TXK: variants seen among roughly 807,000 people sequenced by gnomAD.
The protein encoded by TXK is TXK tyrosine kinase, also known as tyrosine-protein kinase TXK.
A neutral mutation model predicts 81.0 loss-of-function variants in TXK; 60 were observed. The observed-to-expected ratio is 0.74, with a 90% confidence interval of 0.60 to 0.92. TXK has a LOEUF of 0.92. Ranked by LOEUF, TXK falls within the 40% of genes least tolerant of loss-of-function variation. The pLI is 0.00. For missense variants in TXK, 581 were observed against 638.3 expected, an observed-to-expected ratio of 0.91 and a Z score of 0.97; for synonymous variants, 203 against 210.7, an observed-to-expected ratio of 0.96 and a Z score of 0.32.
chr4:48,086,042 T>C (rs1394201724), intron 10 of TXK, among the ~76,000 whole-genome samples: 1 of 152,214 alleles, frequency 6.6e-6, no homozygotes, highest in Admixed American at 6.5e-5. Flanking sequence ...GTAACACCTC[T>C]AGACACTGTC....
intron 5 of TXK, among the ~76,000 whole-genome samples, chr4:48,107,911 A>C (rs1303481143): frequency 4.7e-5 from 1 of 21,416 alleles, no homozygotes; most frequent in Non-Finnish European, 1.8e-4. Flanking sequence ...AAAAAAAAAA[A>C]AAAAAAAAAA....
intron 1 of TXK, among the ~76,000 whole-genome samples, chr4:48,128,285 C>G (rs1719147203): frequency 6.6e-6 from 1 of 152,124 alleles, no homozygotes; most frequent in African/African-American, 2.4e-5. Flanking sequence ...GTTTTGAGAG[C>G]TGCCTTAACC....
chr4:48,089,805 T>C lies in TXK; in HGVS notation c.729A>G (p.Arg243=). The C allele has an allele frequency of 1.9e-6, 3 of 1,613,508 alleles. No homozygotes were observed. Among genetic ancestry groups the C allele is most frequent in the Non-Finnish European group, 2.5e-6 (3 of 1,179,568 alleles). The stretch of plus-strand genomic sequence containing the variant: ...AACTGCCCATCAGCCCAACTGGATA[T>C]CGGAGACGAGTCATGAGACCTAAGG... ...HNAAGLMTRL[R]YPVGLMGSCL... The change falls in exon 9 of 15, where the codon CGA becomes CGG. Residue 243 remains arginine (R), a synonymous_variant. Transcript: ENST00000264316.
chr4:48,083,909 AGAG>A (rs916875965), intron 10 of TXK, among the ~76,000 whole-genome samples: 21 of 152,244 alleles, frequency 1.4e-4, no homozygotes, highest in African/African-American at 5.1e-4. Flanking sequence ...CAGAGTAGTC[AGAG>A]GAGACCTCCT....
intron 12 of TXK, 56 bp downstream of exon 12, chr4:48,076,346 T>C: frequency 7.9e-7 from 1 of 1,260,502 alleles, no homozygotes; most frequent in Non-Finnish European, 1.1e-6. Context: ...AATGTAAGAT[T>C]CCCTCTTATG....
intron 11 of TXK, 29 bp downstream of exon 11, chr4:48,079,883 A>C: frequency 6.4e-7 from 1 of 1,554,298 alleles, no homozygotes; most frequent in African/African-American, 1.4e-5. Flanking sequence ...ATGATACAAA[A>C]AAAAAAAGTA....
chr4:48,078,047 G>A (rs1033910046), intron 11 of TXK, among the ~76,000 whole-genome samples: 1 of 152,150 alleles, frequency 6.6e-6, no homozygotes, highest in Non-Finnish European at 1.5e-5. Context: ...TAATTGGTCT[G>A]GGGTACGGCC....
At position 48,067,514 on chromosome 4, in the gene TXK, T is replaced by G. The variant is rs928351447; in HGVS notation, c.*123A>C. 2 of 992,704 alleles carry G rather than the reference T, an allele frequency of 2.0e-6. No homozygotes were observed. Among genetic ancestry groups the G allele is most frequent in the African/African-American group, 3.2e-5 (2 of 62,244 alleles). 61.5% of individuals were successfully genotyped at this position (992,704 alleles called of 1,614,324 possible). On this transcript the variant is annotated 3_prime_UTR_variant, in exon 15 of 15. Transcript: ENST00000264316. Reference sequence around the variant, plus strand: ...CTTTTAAAAACTGTGATCTTTGCACTGTTTTCAAGAGTCAGCAACTCTGAA... The same window carrying G: ...CTTTTAAAAACTGTGATCTTTGCACGGTTTTCAAGAGTCAGCAACTCTGAA...
intron 14 of TXK, among the ~76,000 whole-genome samples, chr4:48,069,432 TCTC>T (rs1330931828): frequency 6.6e-6 from 1 of 150,960 alleles, no homozygotes; most frequent in African/African-American, 2.5e-5. Flanking sequence ...TTCAAACAAT[TCTC>T]CTGCCTCAGC....
rs184996567 is a variant in TXK at position 48,071,984 on chromosome 4, C to T, written c.1358-310G>A. Among the ~76,000 whole-genome samples the T allele has an allele frequency of 2.0e-3, 285 of 141,686 alleles. 1 individual carries two copies. The highest frequency in any genetic ancestry group is 7.0e-3 in the African/African-American group (269 of 38,164). 93.0% of individuals were successfully genotyped at this position (141,686 alleles called of 152,430 possible). Reference sequence around the variant, plus strand: ...TTTTTTTTTTTTTGAGACAGGGTCTCGCTCTGTCGCCCGGGCTGGAGTGCA... The same window carrying T: ...TTTTTTTTTTTTTGAGACAGGGTCTTGCTCTGTCGCCCGGGCTGGAGTGCA... On this transcript the variant is annotated intron_variant, in intron 13 of 14. Coordinates refer to ENST00000264316, the MANE Select transcript of TXK (RefSeq NM_003328.3).
chr4:48,079,475 C>T (rs1035176652), intron 11 of TXK, among the ~76,000 whole-genome samples: 3 of 152,164 alleles, frequency 2.0e-5, no homozygotes, highest in Non-Finnish European at 2.9e-5. Context: ...AGCATGAGGA[C>T]AGCTTCAACT....
At chr4:48,116,994 T>C (rs1577678890) in intron 1 of TXK, among the ~76,000 whole-genome samples, 1 of 152,176 alleles carries the variant, frequency 6.6e-6, no homozygotes, top group African/African-American at 2.4e-5. Flanking sequence ...CAAGTGATTC[T>C]CCTGCCTCAG....
At position 48,112,573 on chromosome 4, in the gene TXK, T is replaced by C. The variant is rs1718670748; in HGVS notation, c.175-61A>G. ...TTTTAATAATTTGTACTAAAAAATATAGGGACAAAGCATATTTGCCTTCTG... is the reference window on the plus strand; with the variant it reads ...TTTTAATAATTTGTACTAAAAAATACAGGGACAAAGCATATTTGCCTTCTG... On this transcript the variant is annotated intron_variant, in intron 3 of 14. Transcript: ENST00000264316. 8 of 1,508,386 alleles carry C rather than the reference T, an allele frequency of 5.3e-6. No homozygotes were observed. In the African/African-American group the frequency reaches 7.0e-5, roughly 13 times the overall value. The allele number at this position is 1,508,386 out of a possible 1,614,324, so 93.4% of individuals were successfully genotyped here. A position where few individuals can be genotyped will look rare whatever the true frequency, so the allele number is the denominator to read the frequency against.
chr4:48,066,862 A>G lies in TXK; in HGVS notation c.*775T>C, dbSNP rs1716622898. ...TTCCTGAAAATTACAGGAGACACTT[A>G]GTATGACAAAATAAGGCCTCTGAAA... On this transcript the variant is annotated 3_prime_UTR_variant, in exon 15 of 15. Coordinates refer to ENST00000264316, the MANE Select transcript of TXK (RefSeq NM_003328.3). 3 of 152,200 alleles carry G rather than the reference A, an allele frequency of 2.0e-5. No individual in the cohort carries two copies. The highest frequency in any genetic ancestry group is 4.4e-5 in the Non-Finnish European group (3 of 68,018). 9.4% of individuals were successfully genotyped at this position (152,200 alleles called of 1,614,324 possible). A position where few individuals can be genotyped will look rare whatever the true frequency, so the allele number is the denominator to read the frequency against.
At position 48,095,161 on chromosome 4, in the gene TXK, A is replaced by G. The variant is rs751791179; in HGVS notation, c.563T>C (p.Val188Ala). 1.2e-6 allele frequency: 2 copies of G among 1,613,634 alleles called. No individual in the cohort carries two copies. Among genetic ancestry groups the G allele is most frequent in the South Asian group, 1.1e-5 (1 of 91,068 alleles). Residue 188 changes from valine to alanine, a missense_variant, in exon 7 of 15, where the codon GTA becomes GCA. Physicochemically the swap from Val to Ala is moderately conservative, Grantham distance 64 (BLOSUM62 0). Coordinates refer to ENST00000264316, the MANE Select transcript of TXK (RefSeq NM_003328.3). Reference sequence around the variant, plus strand: ...TGCTTACCTTCTAGCTCCCATAAATACGGAAATTGTGTAGGATCCTAAATG... The same window carrying G: ...TGCTTACCTTCTAGCTCCCATAAATGCGGAAATTGTGTAGGATCCTAAATG... ...SRHLGSYTIS[V>A]FMGARRSTEA...
Position 48,089,583 on chromosome 4 carries a change from G to A in TXK, c.784+167C>T, listed in dbSNP as rs912262474. ...TTTTTTGTATTTTTAGTAGAGACGG[G>A]GTATCACCATTTTGGCCAGGGTGGT... is the stretch of plus-strand genomic sequence containing the variant. On this transcript the variant is annotated intron_variant, in intron 9 of 14. Transcript: ENST00000264316. 12 of 493,912 alleles carry A rather than the reference G, an allele frequency of 2.4e-5. No homozygotes were observed. The East Asian group carries it at 4.2e-4, about 17-fold the overall frequency. 30.6% of individuals were successfully genotyped at this position (493,912 alleles called of 1,614,324 possible).
chr4:48,103,566 C>A (rs771584435), intron 6 of TXK, among the ~76,000 whole-genome samples: 14 of 152,194 alleles, frequency 9.2e-5, no homozygotes, highest in Non-Finnish European at 1.6e-4. Context: ...ATTTCTCATT[C>A]GCATTTCTAG....
At chr4:48,124,839 T>A (rs906591934) in intron 1 of TXK, among the ~76,000 whole-genome samples, 1 of 152,272 alleles carries the variant, frequency 6.6e-6, no homozygotes, top group Non-Finnish European at 1.5e-5. Flanking sequence ...GTGTTTGTTT[T>A]TTCTTTTCTG....
chr4:48,070,326 A>T (rs950630530), intron 14 of TXK, among the ~76,000 whole-genome samples: 2 of 152,170 alleles, frequency 1.3e-5, no homozygotes, highest in Non-Finnish European at 2.9e-5. Context: ...TAAGTTCTGG[A>T]GAGATTTCTT....
Sources: gnomAD v4.1 joint callset for allele counts (sites outside exome capture counted in the v4.1 genomes callset) on GRCh38, gnomAD v4.1.1 for gene constraint, MANE v1.5 for transcripts, NCBI Gene and HGNC (gene_info 2026-07-23, HGNC 2026-07-21) for gene names.